ACAD8: variants seen among roughly 807,000 people sequenced by gnomAD.
ACAD8 encodes the protein isobutyryl-CoA dehydrogenase, mitochondrial.
In ACAD8, 47 loss-of-function variants were observed where a neutral mutation model predicts 53.1. The observed-to-expected ratio is 0.89, with a 90% CI of 0.70 to 1.13. ACAD8 has a LOEUF of 1.13. Among genes scored for constraint, ACAD8 ranks in the 50% most tolerant of loss-of-function variants. The pLI, the probability that ACAD8 is intolerant of heterozygous loss-of-function variation, is 0.00. For missense variants in ACAD8, 494 were observed against 535.0 expected (o/e 0.92, Z 0.76); for synonymous variants, 198 against 201.3 (o/e 0.98, Z 0.14).
rs1447030218 is a variant in ACAD8, at chr11:134,265,658, A to T, written c.*698A>T. 5.9e-5 allele frequency: 9 copies of T among 151,900 alleles called. No homozygotes were observed. Among genetic ancestry groups the T allele is most frequent in the African/African-American group, 1.5e-4 (6 of 41,344 alleles). 9.4% of individuals were successfully genotyped at this position (151,900 alleles called of 1,614,324 possible). ...TCTTTTCCTGATAAACACTTTGAAT[A>T]TTTTTTTTGTGTTTTTGTTTCCTTT... On this transcript the variant is annotated 3_prime_UTR_variant, in exon 11 of 11. Coordinates refer to ENST00000281182, the MANE Select transcript of ACAD8 (RefSeq NM_014384.3).
At chr11:134,260,348 C>A in intron 6 of ACAD8, 1 of 258,764 alleles carries the variant, frequency 3.9e-6, no homozygotes. Context: ...ACCAGATGCT[C>A]AAAGCAGTCA....
At chr11:134,263,137 G>A (rs1939999251) in intron 10 of ACAD8, 6 of 1,086,052 alleles carry the variant, frequency 5.5e-6, no homozygotes, top group South Asian at 4.9e-5. Context: ...ACATTCTATC[G>A]AGGAAACATG....
rs578153873 is a variant in ACAD8 at position 134,261,257 on chromosome 11, G to A, written c.842-18G>A. The A allele has an allele frequency of 8.0e-5, 129 of 1,614,020 alleles. 1 individual carries two copies. Among genetic ancestry groups the A allele is most frequent in the South Asian group, 1.8e-4 (16 of 91,058 alleles). On this transcript the variant is annotated intron_variant, in intron 7 of 10. Transcript: ENST00000281182. This position sits in a 1 kb window ranked among gnomAD's most constrained non-coding sequence, Gnocchi z 4.2. Reference sequence around the variant, plus strand: ...TGTTTTCCAGCTTGGTTGGAACGTCGGCGCTCTTCCCCTCTAGCTTCCTGC... The same window carrying A: ...TGTTTTCCAGCTTGGTTGGAACGTCAGCGCTCTTCCCCTCTAGCTTCCTGC...
In ACAD8 at chr11:134,256,838, G is replaced by A. The variant is rs1466684543; in HGVS notation, c.210+190G>A. ...TCATCTTGTACATAACTTTTTTTTT[G>A]TTAGTTGAATAAAGATTTGGATATA... On this transcript the variant is annotated intron_variant, in intron 2 of 10. Coordinates refer to ENST00000281182, the MANE Select transcript of ACAD8 (RefSeq NM_014384.3). 13 of 667,626 alleles carry A rather than the reference G, an allele frequency of 1.9e-5. No homozygotes were observed. The South Asian group carries it at 2.4e-4, about 12-fold the overall frequency. 41.4% of individuals were successfully genotyped at this position (667,626 alleles called of 1,614,324 possible).
intron 1 of ACAD8, among the ~76,000 whole-genome samples, chr11:134,254,285 A>C (rs1469789296): frequency 2.0e-5 from 3 of 152,238 alleles, no homozygotes; most frequent in African/African-American, 7.2e-5. Flanking sequence ...TGGTATCTTA[A>C]CACCTCTGGC....
rs559131249 is a variant in ACAD8 at position 134,262,874 on chromosome 11, G to A, written c.1195+252G>A. 4.8e-5 allele frequency: 66 copies of A among 1,382,552 alleles called. No individual in the cohort carries two copies. The African/African-American group carries it at 8.8e-4, about 18-fold the overall frequency. The allele number at this position is 1,382,552 out of a possible 1,614,324, so 85.6% of individuals were successfully genotyped here. A position where few individuals can be genotyped will look rare whatever the true frequency, so the allele number is the denominator to read the frequency against. ...CTTTTCCTCTGGAGATCTGCGAGAA[G>A]GGTGAACTGAGATAATGGATGAGAA... On this transcript the variant is annotated intron_variant, in intron 10 of 10. Coordinates refer to ENST00000281182, the MANE Select transcript of ACAD8 (RefSeq NM_014384.3).
intron 6 of ACAD8, 171 bp downstream of exon 6, chr11:134,259,916 T>G (rs1304509147): frequency 1.3e-6 from 2 of 1,483,520 alleles, no homozygotes; most frequent in African/African-American, 1.4e-5. Flanking sequence ...CAGGGCATTA[T>G]TAAACACTAG....
At chr11:134,258,290 G>A in intron 3 of ACAD8, 1 of 590,518 alleles carries the variant, frequency 1.7e-6, no homozygotes, top group Non-Finnish European at 3.0e-6. Context: ...ACGTGCTGGT[G>A]AGAAGTACCT....
Position 134,265,809 on chromosome 11 carries a change from C to T in ACAD8, c.*849C>T, listed in dbSNP as rs1940138571. 1 of 152,080 alleles carries T rather than the reference C, an allele frequency of 6.6e-6. No individual in the cohort carries two copies. Among genetic ancestry groups the T allele is most frequent in the Non-Finnish European group, 1.5e-5 (1 of 68,016 alleles). The allele number at this position is 152,080 out of a possible 1,614,324, so 9.4% of individuals were successfully genotyped here. On this transcript the variant is annotated 3_prime_UTR_variant, in exon 11 of 11. Transcript: ENST00000281182. The stretch of plus-strand genomic sequence containing the variant: ...TAATTGTATTTGATTAAACACTTAA[C>T]TGGATTTTGGAATAATAAAACTCTC...
In ACAD8 at chr11:134,261,649, C is replaced by T. The variant is rs561854146; in HGVS notation, c.940-89C>T. On this transcript the variant is annotated intron_variant, in intron 8 of 10. Coordinates refer to ENST00000281182, the MANE Select transcript of ACAD8 (RefSeq NM_014384.3). This position sits in a 1 kb window ranked among gnomAD's most constrained non-coding sequence, Gnocchi z 4.2. The stretch of plus-strand genomic sequence containing the variant: ...GAAGCTTTGGATCACTTAGAAAAGG[C>T]GCCTCCGAGATGTCTTACCGAGGCT... The T allele has an allele frequency of 4.8e-5, 77 of 1,595,174 alleles. No individual in the cohort carries two copies. Among genetic ancestry groups the T allele is most frequent in the East Asian group, 3.4e-4 (15 of 44,556 alleles).
At position 134,261,936 on chromosome 11, in the gene ACAD8, C is replaced by T. The variant is rs188067351; in HGVS notation, c.1092+46C>T. The T allele has an allele frequency of 3.7e-6, 6 of 1,608,184 alleles. No homozygotes were observed. The Admixed American group carries it at 6.7e-5, about 18-fold the overall frequency. ...TCCTGGGATGGACAGGGAACAGCTG[C>T]TAGGCCCAGGGGTCTTGAGAGACAT... On this transcript the variant is annotated intron_variant, in intron 9 of 10. Coordinates refer to ENST00000281182, the MANE Select transcript of ACAD8 (RefSeq NM_014384.3). This position sits in a 1 kb window ranked among gnomAD's most constrained non-coding sequence, Gnocchi z 4.2.
chr11:134,262,889 A>G, intron 10 of ACAD8: 1 of 1,353,242 alleles, frequency 7.4e-7, no homozygotes, highest in South Asian at 1.2e-5. Context: ...AACTGAGATA[A>G]TGGATGAGAA....
intron 10 of ACAD8, chr11:134,263,393 T>A: frequency 2.0e-6 from 2 of 986,946 alleles, no homozygotes; most frequent in Non-Finnish European, 1.2e-6. Flanking sequence ...GGAGCGCAGA[T>A]TGCGGGCCTC....
chr11:134,261,960 A>T lies in ACAD8; in HGVS notation c.1092+70A>T. ...GCTAGGCCCAGGGGTCTTGAGAGAC[A>T]TGAGTCAGATTTGGAACCCAGCCCT... On this transcript the variant is annotated intron_variant, in intron 9 of 10. Coordinates refer to ENST00000281182, the MANE Select transcript of ACAD8 (RefSeq NM_014384.3). The surrounding 1 kb of genome is among the most constrained non-coding windows in gnomAD (Gnocchi z 4.2). 6.3e-7 allele frequency: 1 copy of T among 1,581,712 alleles called. No individual in the cohort carries two copies. Among genetic ancestry groups the T allele is most frequent in the Non-Finnish European group, 8.6e-7 (1 of 1,161,236 alleles).
chr11:134,265,155 G>T lies in ACAD8; in HGVS notation c.*195G>T. Reference sequence around the variant, plus strand: ...GGCAGAATCCCCAGTGGAACCGGAAGAGCTGGACTGATGAGAAACATCAGA... The same window carrying T: ...GGCAGAATCCCCAGTGGAACCGGAATAGCTGGACTGATGAGAAACATCAGA... On this transcript the variant is annotated 3_prime_UTR_variant, in exon 11 of 11. Transcript: ENST00000281182. 1 of 629,868 alleles carries T rather than the reference G, an allele frequency of 1.6e-6. No homozygotes were observed. The highest frequency in any genetic ancestry group is 2.8e-6 in the Non-Finnish European group (1 of 351,828). The allele number at this position is 629,868 out of a possible 1,614,324, so 39.0% of individuals were successfully genotyped here.
In ACAD8 at chr11:134,265,760, T is replaced by C. The variant is rs1331638297; in HGVS notation, c.*800T>C. On this transcript the variant is annotated 3_prime_UTR_variant, in exon 11 of 11. Coordinates refer to ENST00000281182, the MANE Select transcript of ACAD8 (RefSeq NM_014384.3). ...TCCTTCACCACCTCTGGTTCTACTA[T>C]AGTTGATTTTTATTTTAAATGTTTA... 1 of 152,226 alleles carries C rather than the reference T, an allele frequency of 6.6e-6. No individual in the cohort carries two copies. The highest frequency in any genetic ancestry group is 1.9e-4 in the East Asian group (1 of 5,206). 9.4% of individuals were successfully genotyped at this position (152,226 alleles called of 1,614,324 possible).
intron 10 of ACAD8, chr11:134,263,198 C>T: frequency 9.6e-7 from 1 of 1,046,772 alleles, no homozygotes; most frequent in Non-Finnish European, 1.2e-6. Flanking sequence ...TCTCTACAGC[C>T]AGTGCGGAAG....
chr11:134,265,810 T>C lies in ACAD8; in HGVS notation c.*850T>C, dbSNP rs1210890707. The C allele has an allele frequency of 6.6e-6, 1 of 152,258 alleles. No individual in the cohort carries two copies. The highest frequency in any genetic ancestry group is 1.5e-5 in the Non-Finnish European group (1 of 68,044). The allele number at this position is 152,258 out of a possible 1,614,324, so 9.4% of individuals were successfully genotyped here. ...AATTGTATTTGATTAAACACTTAAC[T>C]GGATTTTGGAATAATAAAACTCTCG... On this transcript the variant is annotated 3_prime_UTR_variant, in exon 11 of 11. Coordinates refer to ENST00000281182, the MANE Select transcript of ACAD8 (RefSeq NM_014384.3).
chr11:134,261,142 T>C lies in ACAD8; in HGVS notation c.804T>C (p.Ile268=), dbSNP rs757519037. Residue 268 remains isoleucine, a synonymous_variant, in exon 7 of 11, where the codon ATT becomes ATC. Transcript: ENST00000281182. The surrounding 1 kb of genome is among the most constrained non-coding windows in gnomAD (Gnocchi z 4.2). ...GGAGCGAGGGGCAGGGCTTCCTCAT[T>C]GCCGTGAGAGGACTGAACGGAGGGA... ...RIGSEGQGFL[I]AVRGLNGGRI... is the part of the protein sequence containing the mutation. The C allele has an allele frequency of 3.3e-5, 54 of 1,612,424 alleles. 1 individual carries two copies. Among genetic ancestry groups the C allele is most frequent in the Non-Finnish European group, 4.5e-5 (53 of 1,179,442 alleles).
Sources: gnomAD v4.1 joint callset for allele counts (sites outside exome capture counted in the v4.1 genomes callset) on GRCh38, gnomAD v4.1.1 for gene constraint, Gnocchi (gnomAD v3.1) non-coding constraint, MANE v1.5 for transcripts, NCBI Gene and HGNC (gene_info 2026-07-23, HGNC 2026-07-21) for gene names.